Variants in SASH1 observed in about 807,000 individuals in gnomAD.
The protein encoded by SASH1 is SAM and SH3 domain containing 1, also known as SAM and SH3 domain-containing protein 1.
Under a neutral mutation model 125.2 loss-of-function variants are expected in SASH1, and 44 were observed. That is an observed-to-expected ratio of 0.35 (90% CI 0.28 to 0.45). The LOEUF (loss-of-function observed/expected upper bound fraction) is 0.45, where lower values mean the gene tolerates loss of function less well. Ranked by LOEUF, SASH1 falls within the 20% of genes least tolerant of loss-of-function variation. The pLI is 1.00. For synonymous variants in SASH1, 639 were observed against 649.1 expected, an observed-to-expected ratio of 0.98 and a Z score of 0.24; for missense variants, 1,426 against 1,614.5, an observed-to-expected ratio of 0.88 and a Z score of 2.00.
chr6:148,369,053 GT>G (rs1562357588), intron 1 of SASH1, among the ~76,000 whole-genome samples: 1 of 152,188 alleles, frequency 6.6e-6, no homozygotes, highest in Non-Finnish European at 1.5e-5. Flanking sequence ...GCTGCAAAGA[GT>G]TATGAAGGAA....
chr6:148,199,841 A>AAAAGG, the SASH1 span, among the ~76,000 whole-genome samples: 25 of 152,040 alleles, frequency 1.6e-4, no homozygotes, highest in East Asian at 5.8e-4. Context: ...GAAAGAAAAG[A>AAAAGG]AAAGGAAAGG....
chr6:148,519,883 T>C lies in SASH1; in HGVS notation c.1199T>C (p.Leu400Pro), dbSNP rs1434045363. 6.4e-7 allele frequency: 1 copy of C among 1,568,318 alleles called. No individual in the cohort carries two copies. The highest frequency in any genetic ancestry group is 1.4e-5 in the African/African-American group (1 of 73,684). Residue 400 changes from leucine (L) to proline (P), a missense_variant, in exon 10 of 20, where the codon CTA becomes CCA. Transcript: ENST00000367467. This position sits in a 1 kb window ranked among gnomAD's most constrained non-coding sequence, Gnocchi z 4.8. ...GAGATGAAGAAGGGTCTCGGGTCCC[T>C]AAGCCACGGGGTAAGTACGGATGGT... Reference protein sequence around the residue: ...EGEMKKGLGSLSHGRTCSFGG... With the variant: ...EGEMKKGLGSPSHGRTCSFGG...
At chr6:148,202,500 G>T in the SASH1 span, among the ~76,000 whole-genome samples, 1 of 152,168 alleles carries the variant, frequency 6.6e-6, no homozygotes, top group Non-Finnish European at 1.5e-5. Context: ...GAGGGCTGCC[G>T]GGAGGCTGGA....
intron 1 of SASH1, among the ~76,000 whole-genome samples, chr6:148,383,137 C>T (rs1010126067): frequency 6.6e-6 from 1 of 152,056 alleles, no homozygotes; most frequent in Non-Finnish European, 1.5e-5. Context: ...TCAATGAGGC[C>T]GAACAAGAAA....
chr6:148,242,399 T>C, the SASH1 span, among the ~76,000 whole-genome samples: 7 of 152,182 alleles, frequency 4.6e-5, no homozygotes, highest in South Asian at 1.0e-3. Flanking sequence ...GTCTTTGGAC[T>C]CTGTATTTTG....
intron 2 of SASH1, among the ~76,000 whole-genome samples, chr6:148,391,558 A>G (rs1783731898): frequency 6.6e-6 from 1 of 151,716 alleles, no homozygotes; most frequent in African/African-American, 2.4e-5. Context: ...ACCATCTTTC[A>G]TGGTTATAGT....
At chr6:148,320,364 C>T (rs990254582) in intron 1 of SASH1, among the ~76,000 whole-genome samples, 7 of 152,316 alleles carry the variant, frequency 4.6e-5, no homozygotes, top group African/African-American at 1.4e-4. Flanking sequence ...CCCTTGATAG[C>T]GGCACCGCTT....
the SASH1 span, among the ~76,000 whole-genome samples, chr6:148,262,386 C>T: frequency 6.6e-6 from 1 of 152,148 alleles, no homozygotes; most frequent in Non-Finnish European, 1.5e-5. Context: ...CTTCTGGGAC[C>T]TCTCATTGAG....
chr6:148,403,267 T>A (rs1358514209), intron 2 of SASH1, among the ~76,000 whole-genome samples: 1 of 151,398 alleles, frequency 6.6e-6, no homozygotes, highest in East Asian at 1.9e-4. Context: ...AATATTAATA[T>A]AAGAATATAT....
At chr6:148,243,883 C>T in the SASH1 span, among the ~76,000 whole-genome samples, 1 of 152,068 alleles carries the variant, frequency 6.6e-6, no homozygotes, top group East Asian at 1.9e-4. Flanking sequence ...ATCTGATCCT[C>T]CACATTAGGC....
At chr6:148,418,762 G>A (rs940860655) in intron 2 of SASH1, among the ~76,000 whole-genome samples, 12 of 152,210 alleles carry the variant, frequency 7.9e-5, no homozygotes, top group African/African-American at 2.2e-4. Context: ...TCCGATGGAA[G>A]CACCTGATCC....
chr6:148,506,260 G>A (rs1779795460), intron 8 of SASH1, among the ~76,000 whole-genome samples: 1 of 151,782 alleles, frequency 6.6e-6, no homozygotes, highest in South Asian at 2.1e-4. Context: ...GATCATCTGA[G>A]GTTAGGAGTT....
intron 10 of SASH1, among the ~76,000 whole-genome samples, chr6:148,521,388 GTGTAATTTAAATTCATTCAGT>G (rs1464902756): frequency 6.6e-6 from 1 of 152,228 alleles, no homozygotes; most frequent in Admixed American, 6.5e-5. Context: ...CAGACGATCA[GTGTAATTTAAATTCATTCAGT>G]CGGGTTCTGC....
the SASH1 span, among the ~76,000 whole-genome samples, chr6:148,229,723 T>TC: frequency 7.5e-6 from 1 of 133,368 alleles, no homozygotes; most frequent in African/African-American, 2.7e-5. Flanking sequence ...AGAGCACTTT[T>TC]TTTTTTTTTT....
At chr6:148,232,584 C>T in the SASH1 span, among the ~76,000 whole-genome samples, 1 of 152,184 alleles carries the variant, frequency 6.6e-6, no homozygotes, top group Non-Finnish European at 1.5e-5. Flanking sequence ...AAACATGCAA[C>T]TATGCAGAAG....
intron 1 of SASH1, among the ~76,000 whole-genome samples, chr6:148,279,271 A>G (rs6570833): frequency 0.78 from 118,515 of 152,076 alleles, 46,507 homozygotes; most frequent in African/African-American, 0.86. Flanking sequence ...GATTACAGAC[A>G]TGAACCACCG....
intron 2 of SASH1, among the ~76,000 whole-genome samples, chr6:148,408,882 A>G (rs17635342): frequency 0.051 from 7,780 of 152,320 alleles, 254 homozygotes; most frequent in East Asian, 0.08. Flanking sequence ...ATTATCTTGC[A>G]GTTTACACAT....
chr6:148,420,562 A>G (rs895602077), intron 2 of SASH1, among the ~76,000 whole-genome samples: 2 of 152,210 alleles, frequency 1.3e-5, no homozygotes, highest in East Asian at 3.8e-4. Flanking sequence ...CTGTTTATAT[A>G]TGTATACCAT....
At chr6:148,311,421 A>G (rs1261920078) in intron 1 of SASH1, among the ~76,000 whole-genome samples, 1 of 152,178 alleles carries the variant, frequency 6.6e-6, no homozygotes, top group Non-Finnish European at 1.5e-5. Flanking sequence ...CTAAATTTCT[A>G]ATAAAATTAA....
Sources: gnomAD v4.1 joint callset for allele counts (sites outside exome capture counted in the v4.1 genomes callset) on GRCh38, gnomAD v4.1.1 for gene constraint, Gnocchi (gnomAD v3.1) non-coding constraint, MANE v1.5 for transcripts, NCBI Gene and HGNC (gene_info 2026-07-23, HGNC 2026-07-21) for gene names.